MEIKIN: variants seen among roughly 807,000 people sequenced by gnomAD.
MEIKIN encodes the protein meiosis-specific kinetochore protein.
In MEIKIN at chr5:131,942,518, G is replaced by A. The variant is rs1751889125; in HGVS notation, c.349+117C>T. 3 of 388,786 alleles carry A rather than the reference G, an allele frequency of 7.7e-6. No homozygotes were observed. In the Admixed American group the frequency reaches 1.3e-4, roughly 17 times the overall value. 24.1% of individuals were successfully genotyped at this position (388,786 alleles called of 1,614,324 possible). On this transcript the variant is annotated intron_variant, in intron 4 of 12. Coordinates refer to ENST00000442687, the MANE Select transcript of MEIKIN (RefSeq NM_001303622.2). ...TAGCACAGTCAGAAGGATTCACTTT[G>A]GAGTAGGGAAAAGATACCTCTTCCA...
At chr5:131,938,857 G>A (rs534160399) in intron 4 of MEIKIN, among the ~76,000 whole-genome samples, 20 of 152,200 alleles carry the variant, frequency 1.3e-4, no homozygotes, top group African/African-American at 3.9e-4. Context: ...TTGAATGTTC[G>A]AGAATGAAGT....
chr5:131,819,225 TTAAC>T (rs1749431046), intron 11 of MEIKIN, among the ~76,000 whole-genome samples: 1 of 151,940 alleles, frequency 6.6e-6, no homozygotes, highest in African/African-American at 2.4e-5. Context: ...AAATTTAAAT[TTAAC>T]TGAGTTAAAC....
intron 9 of MEIKIN, among the ~76,000 whole-genome samples, chr5:131,871,979 A>G (rs1035165499): frequency 6.6e-6 from 1 of 152,254 alleles, no homozygotes; most frequent in African/African-American, 2.4e-5. Context: ...AAGGACATCC[A>G]CCCCAAAAAC....
intron 9 of MEIKIN, among the ~76,000 whole-genome samples, chr5:131,872,555 C>T (rs1432111662): frequency 1.3e-5 from 2 of 152,124 alleles, no homozygotes; most frequent in East Asian, 3.9e-4. Context: ...GAGAATGGAA[C>T]CAAGCTGGAA....
chr5:131,927,323 C>T (rs1751603177), intron 5 of MEIKIN, among the ~76,000 whole-genome samples: 1 of 152,154 alleles, frequency 6.6e-6, no homozygotes, highest in South Asian at 2.1e-4. Flanking sequence ...CCATTATGGT[C>T]AGAAAAGATA....
chr5:131,829,070 A>C (rs1402140304), intron 11 of MEIKIN, among the ~76,000 whole-genome samples: 2 of 152,232 alleles, frequency 1.3e-5, no homozygotes, highest in Admixed American at 6.5e-5. Flanking sequence ...TCAGAATACA[A>C]GGGACAAGGA....
intron 11 of MEIKIN, among the ~76,000 whole-genome samples, chr5:131,848,449 C>T (rs1750054991): frequency 2.0e-5 from 3 of 151,970 alleles, no homozygotes; most frequent in Admixed American, 2.0e-4. Context: ...TACCTATAAA[C>T]ACAAAGCCTC....
intron 8 of MEIKIN, among the ~76,000 whole-genome samples, chr5:131,891,324 G>A (rs1750913135): frequency 1.3e-5 from 2 of 152,166 alleles, no homozygotes; most frequent in African/African-American, 4.8e-5. Flanking sequence ...GGTTGTTAAA[G>A]TCTCCCACTA....
At chr5:131,879,824 C>G (rs1230558527) in intron 8 of MEIKIN, among the ~76,000 whole-genome samples, 2 of 152,200 alleles carry the variant, frequency 1.3e-5, no homozygotes, top group East Asian at 3.9e-4. Context: ...CTTCCCTTTT[C>G]CTCTCTCTGG....
chr5:131,811,280 A>C (rs1194459562), intron 12 of MEIKIN, among the ~76,000 whole-genome samples: 1 of 152,174 alleles, frequency 6.6e-6, no homozygotes, highest in Non-Finnish European at 1.5e-5. Context: ...GTCAGAAACT[A>C]ATATGACAGG....
In MEIKIN at chr5:131,879,514, T is replaced by C. The variant is rs548472004; in HGVS notation, c.704-466A>G. Among the ~76,000 whole-genome samples, 44 of 152,378 alleles carry C rather than the reference T, an allele frequency of 2.9e-4. No individual in the cohort carries two copies. The South Asian group carries it at 6.8e-3, about 24-fold the overall frequency. On this transcript the variant is annotated intron_variant, in intron 8 of 12. Coordinates refer to ENST00000442687, the MANE Select transcript of MEIKIN (RefSeq NM_001303622.2). ...GTGTACCTGTTTACTGCAACTTTTC[T>C]ATCAGCATTTTAAACATTCTCAAGC...
intron 11 of MEIKIN, among the ~76,000 whole-genome samples, chr5:131,850,303 T>C (rs1043494160): frequency 6.6e-6 from 1 of 152,120 alleles, no homozygotes; most frequent in African/African-American, 2.4e-5. Context: ...AAAACCCCAA[T>C]GATGTTTATT....
intron 8 of MEIKIN, among the ~76,000 whole-genome samples, chr5:131,894,076 T>C (rs1177420458): frequency 6.6e-6 from 1 of 152,216 alleles, no homozygotes; most frequent in Non-Finnish European, 1.5e-5. Flanking sequence ...AATTTTTGTA[T>C]AAGGTGTAAG....
chr5:131,873,596 A>G (rs1285700514), intron 9 of MEIKIN, among the ~76,000 whole-genome samples: 2 of 152,222 alleles, frequency 1.3e-5, no homozygotes, highest in Non-Finnish European at 2.9e-5. Flanking sequence ...TCAATGAGAC[A>G]GAAAGTTAAC....
At chr5:131,887,806 C>A (rs1363929107) in intron 8 of MEIKIN, among the ~76,000 whole-genome samples, 1 of 151,036 alleles carries the variant, frequency 6.6e-6, no homozygotes, top group East Asian at 1.9e-4. Flanking sequence ...GTGCTGCACC[C>A]ATTAACTTGT....
intron 8 of MEIKIN, among the ~76,000 whole-genome samples, chr5:131,879,298 G>C (rs1309193485): frequency 6.6e-6 from 1 of 152,164 alleles, no homozygotes; most frequent in Non-Finnish European, 1.5e-5. Context: ...TTTCTTTTCA[G>C]TTAGTAGGGA....
At chr5:131,888,395 C>G (rs775723653) in intron 8 of MEIKIN, among the ~76,000 whole-genome samples, 2 of 151,360 alleles carry the variant, frequency 1.3e-5, no homozygotes, top group Non-Finnish European at 2.9e-5. Context: ...TTTTAATGAT[C>G]GCCATTCTAA....
rs1301754585 is a variant in MEIKIN, at chr5:131,818,860, G to A, written c.979C>T (p.Pro327Ser). ...CAACATATTTCTGATGCATTTGCAG[G>A]AAACTGGAAAAGAAAAAAAGCAGAT... ...SLQENSSNEF[P>S]ANASEICCII... The change falls in exon 12 of 13, where the codon CCT becomes TCT. Residue 327 changes from proline (P) to serine (S), a missense_variant. Transcript: ENST00000442687. 3 of 397,442 alleles carry A rather than the reference G, an allele frequency of 7.5e-6. No individual in the cohort carries two copies. The highest frequency in any genetic ancestry group is 1.3e-5 in the Non-Finnish European group (3 of 225,528). 24.6% of individuals were successfully genotyped at this position (397,442 alleles called of 1,614,324 possible).
At chr5:131,901,951 A>T (rs1369184991) in intron 8 of MEIKIN, among the ~76,000 whole-genome samples, 6 of 152,196 alleles carry the variant, frequency 3.9e-5, no homozygotes, top group Non-Finnish European at 7.3e-5. Flanking sequence ...AAAGGTGATT[A>T]GATCATGGGG....
Sources: allele counts gnomAD v4.1 joint callset (sites outside exome capture counted in the v4.1 genomes callset), GRCh38; gene constraint gnomAD v4.1.1; transcripts MANE v1.5; gene names NCBI Gene and HGNC (gene_info 2026-07-23, HGNC 2026-07-21).